Variants in CSGALNACT1 observed in about 807,000 individuals in gnomAD.
The protein encoded by CSGALNACT1 is chondroitin sulfate N-acetylgalactosaminyltransferase 1, also known as beta4GalNAcT-1.
A neutral mutation model predicts 51.0 loss-of-function variants in CSGALNACT1; 52 were observed. The ratio of observed to expected loss-of-function variants is 1.02; its 90% CI spans 0.82 to 1.29. The LOEUF is 1.29. CSGALNACT1 is among the 50% of genes most tolerant of loss of function. CSGALNACT1 has a pLI of 0.00. For synonymous variants in CSGALNACT1, 341 were observed against 254.4 expected (o/e 1.34, Z -3.24); for missense variants, 935 against 679.2 (o/e 1.38, Z -4.19).
chr8:19,508,323 T>C (rs2077771866), intron 3 of CSGALNACT1, among the ~76,000 whole-genome samples: 1 of 152,234 alleles, frequency 6.6e-6, no homozygotes, highest in Admixed American at 6.5e-5. Flanking sequence ...CACTATGCCA[T>C]CAAAATAGTT....
In CSGALNACT1 at chr8:19,505,426, C is replaced by T. The variant is rs17128518; in HGVS notation, c.409G>A (p.Val137Ile). ...GCTGCATACTCTGTGGCCAGCTTGA[C>T]GCCAGCATTCACCTCTGCCTTGTCC... The change falls in exon 4 of 10, where the codon GTC becomes ATC. Residue 137 changes from valine (V) to isoleucine (I), a missense_variant. By Grantham distance (29) the Val-to-Ile change is conservative (BLOSUM62 3). Coordinates refer to ENST00000454498, the Ensembl canonical transcript of CSGALNACT1. The T allele has an allele frequency of 1.4e-3, 2,263 of 1,614,210 alleles. 26 individuals are homozygous for T. In the African/African-American group the frequency reaches 0.027, roughly 19 times the overall value.
At chr8:19,682,701 T>C (rs1356908279), upstream of CSGALNACT1, 5 of 454,090 alleles carry the variant, frequency 1.1e-5, no homozygotes, top group Admixed American at 2.3e-5. Context: ...CTCACCTCCG[T>C]GCAATTCGGG....
At chr8:19,606,806 C>T (rs1405873360), upstream of CSGALNACT1, among the ~76,000 whole-genome samples, 4 of 152,072 alleles carry the variant, frequency 2.6e-5, no homozygotes, top group Non-Finnish European at 5.9e-5. Context: ...TAAAAAGGTA[C>T]CAGTCCATTA....
At chr8:19,559,116 TAAC>T (rs1223971343) in intron 3 of CSGALNACT1, among the ~76,000 whole-genome samples, 1 of 152,156 alleles carries the variant, frequency 6.6e-6, no homozygotes, top group African/African-American at 2.4e-5. Context: ...TGCTCTATTT[TAAC>T]AACAAAGATG....
At position 19,652,559 on chromosome 8, in the gene CSGALNACT1, CTTCT is replaced by C. The variant is rs1028303925; in HGVS notation, c.-544+29910_-544+29913del. ...ATCCTCTCTGGTATTGTCAGCCTTC[CTTCT>C]GTCTATTGCCTCTTTCCATCAGCAT... On this transcript the variant is annotated intron_variant, in intron 1 of 9. Coordinates refer to the CSGALNACT1 transcript ENST00000332246. Among the ~76,000 whole-genome samples the C allele has an allele frequency of 4.1e-3, 619 of 152,206 alleles. 3 individuals carry two copies. Among genetic ancestry groups the C allele is most frequent in the African/African-American group, 0.014 (566 of 41,528 alleles).
At chr8:19,667,050 A>G (rs1275608320) in intron 1 of CSGALNACT1, among the ~76,000 whole-genome samples, 1 of 109,038 alleles carries the variant, frequency 9.2e-6, no homozygotes, top group Non-Finnish European at 2.0e-5. Flanking sequence ...GAAGAAAGAA[A>G]GAAAGAAAGA....
chr8:19,436,342 G>A (rs1009965017), intron 6 of CSGALNACT1, among the ~76,000 whole-genome samples: 1 of 152,134 alleles, frequency 6.6e-6, no homozygotes, highest in Non-Finnish European at 1.5e-5. Context: ...TGCTAACACT[G>A]TGAGTCTAGA....
At chr8:19,633,427 CA>C (rs2055575213) in intron 1 of CSGALNACT1, among the ~76,000 whole-genome samples, 1 of 152,136 alleles carries the variant, frequency 6.6e-6, no homozygotes. Context: ...GTCTCAGCCC[CA>C]AAACTTCACA....
At chr8:19,477,664 G>A (rs2070099800) in intron 4 of CSGALNACT1, among the ~76,000 whole-genome samples, 2 of 152,208 alleles carry the variant, frequency 1.3e-5, no homozygotes, top group South Asian at 2.1e-4. Context: ...AGAGCCGGGT[G>A]TGAGCCCCAG....
intron 3 of CSGALNACT1, among the ~76,000 whole-genome samples, chr8:19,522,813 G>C (rs1044992095): frequency 4.6e-5 from 7 of 152,140 alleles, no homozygotes; most frequent in African/African-American, 1.7e-4. Context: ...TCTAATTTCA[G>C]CTACTGGTAC....
intron 1 of CSGALNACT1, among the ~76,000 whole-genome samples, chr8:19,623,464 C>G (rs1221056337): frequency 1.3e-5 from 2 of 152,136 alleles, no homozygotes; most frequent in African/African-American, 2.4e-5. Flanking sequence ...ATAAAATATC[C>G]TGTCACATTT....
intron 4 of CSGALNACT1, among the ~76,000 whole-genome samples, chr8:19,486,668 C>G (rs2073025844): frequency 6.6e-6 from 1 of 152,160 alleles, no homozygotes; most frequent in African/African-American, 2.4e-5. Flanking sequence ...TCAATGAGAC[C>G]TACATTGACT....
rs1246074299 is a variant in CSGALNACT1, at chr8:19,444,516, G to A, written c.852-4585C>T. On this transcript the variant is annotated intron_variant, in intron 5 of 9. Transcript: ENST00000454498. ...AGGTTCTACTGGTAGGATATTTTGT[G>A]ATATTGATATTTTACATGTGCTTCC... Among the ~76,000 whole-genome samples the A allele has an allele frequency of 2.0e-5, 3 of 152,128 alleles. No individual in the cohort carries two copies. In the East Asian group the frequency reaches 5.8e-4, roughly 29 times the overall value.
intron 1 of CSGALNACT1, among the ~76,000 whole-genome samples, chr8:19,621,439 G>T (rs991594230): frequency 6.6e-6 from 1 of 152,058 alleles, no homozygotes; most frequent in African/African-American, 2.4e-5. Context: ...ATGAACAAGT[G>T]TACTTCCAAC....
At chr8:19,693,057 G>A (rs891223976) in intron 1 of CSGALNACT1, among the ~76,000 whole-genome samples, 2 of 152,156 alleles carry the variant, frequency 1.3e-5, no homozygotes, top group Non-Finnish European at 2.9e-5. Context: ...CCCTGACCCA[G>A]CCTTGTGCCT....
At chr8:19,470,791 A>C (rs2067961334) in intron 4 of CSGALNACT1, among the ~76,000 whole-genome samples, 1 of 152,168 alleles carries the variant, frequency 6.6e-6, no homozygotes, top group African/African-American at 2.4e-5. Context: ...TGTCCTGGGA[A>C]CATGTGTTAA....
At chr8:19,520,089 C>G (rs1679258499) in intron 3 of CSGALNACT1, among the ~76,000 whole-genome samples, 1 of 152,182 alleles carries the variant, frequency 6.6e-6, no homozygotes, top group Non-Finnish European at 1.5e-5. Flanking sequence ...AAATAAACAG[C>G]CTAACTCCTC....
chr8:19,625,451 G>A (rs910179421), intron 1 of CSGALNACT1, among the ~76,000 whole-genome samples: 5 of 152,176 alleles, frequency 3.3e-5, no homozygotes, highest in Non-Finnish European at 7.3e-5. Context: ...GTTGACTCCA[G>A]GTCTATCTGA....
In CSGALNACT1 at chr8:19,406,623, TAAAAA is replaced by T. The variant is rs33985548; in HGVS notation, c.1310-559_1310-555del. On this transcript the variant is annotated intron_variant, in intron 9 of 9. Coordinates refer to ENST00000454498, the Ensembl canonical transcript of CSGALNACT1. The stretch of plus-strand genomic sequence containing the variant: ...ATAATAATTAAAAATAGAGGTTTCG[TAAAAA>T]AAAAAAAAAAAAAAAAAAAAAAGAG... Among the ~76,000 whole-genome samples, 207 of 72,168 alleles carry T rather than the reference TAAAAA, an allele frequency of 2.9e-3. 1 individual carries two copies. Among genetic ancestry groups the T allele is most frequent in the African/African-American group, 6.4e-3 (110 of 17,074 alleles). 47.3% of individuals were successfully genotyped at this position (72,168 alleles called of 152,430 possible). A position where few individuals can be genotyped will look rare whatever the true frequency, so the allele number is the denominator to read the frequency against.
Sources: allele counts gnomAD v4.1 joint callset (sites outside exome capture counted in the v4.1 genomes callset), GRCh38; gene constraint gnomAD v4.1.1; transcripts MANE v1.5; gene names NCBI Gene and HGNC (gene_info 2026-07-23, HGNC 2026-07-21).